The following ARMH3 variants were observed in gnomAD, a reference collection of about 807,000 sequenced individuals.
ARMH3 encodes armadillo like helical domain containing 3, also known as armadillo-like helical domain-containing protein 3.
ARMH3 carries 60 observed loss-of-function variants against 99.1 expected under a neutral mutation model. The observed-to-expected ratio is 0.61, with a 90% CI of 0.49 to 0.75. The LOEUF (loss-of-function observed/expected upper bound fraction) is 0.75. Among genes scored for constraint, ARMH3 ranks in the 30% least tolerant of loss-of-function variants. ARMH3 has a pLI of 0.00. For missense variants in ARMH3, 679 were observed against 843.1 expected (o/e 0.81, Z 2.41); for synonymous variants, 285 against 292.8 (o/e 0.97, Z 0.27).
chr10:101,891,218 G>A (rs201812712), intron 23 of ARMH3, among the ~76,000 whole-genome samples: 5 of 149,306 alleles, frequency 3.3e-5, no homozygotes, highest in South Asian at 4.2e-4. Context: ...TTTTTGAGAC[G>A]GAGTTTTGCT....
intron 16 of ARMH3, among the ~76,000 whole-genome samples, chr10:101,994,703 C>T (rs1018432579): frequency 3.3e-5 from 5 of 152,188 alleles, no homozygotes; most frequent in Admixed American, 2.6e-4. Context: ...TCCACCCCTT[C>T]ACCCCATCAC....
At chr10:101,932,044 T>C (rs1293417850) in intron 23 of ARMH3, among the ~76,000 whole-genome samples, 1 of 152,058 alleles carries the variant, frequency 6.6e-6, no homozygotes, top group African/African-American at 2.4e-5. Context: ...AAAGAACTCC[T>C]AAAACTCAAC....
At chr10:101,934,450 C>A (rs962653763) in intron 23 of ARMH3, among the ~76,000 whole-genome samples, 5 of 152,188 alleles carry the variant, frequency 3.3e-5, no homozygotes, top group African/African-American at 4.8e-5. Flanking sequence ...TTCCAAACCC[C>A]AGGCTTGTCA....
In ARMH3 at chr10:101,866,515, G is replaced by T. The variant is rs1038811441; in HGVS notation, c.1861-16623C>A. Among the ~76,000 whole-genome samples, 35 of 150,740 alleles carry T rather than the reference G, an allele frequency of 2.3e-4. 1 individual carries two copies. In the East Asian group the frequency reaches 6.4e-3, roughly 28 times the overall value. On this transcript the variant is annotated intron_variant, in intron 24 of 25. Transcript: ENST00000370033. ...AAAAAAAAAGAAAAGAAAAGGAAAA[G>T]AAATTTATGAAGCCATTCCTGCAGC...
At position 102,012,735 on chromosome 10, in the gene ARMH3, A is replaced by G. The variant is rs1344771220; in HGVS notation, c.770+98T>C. ...GGGCTGTACATCTGAATACTCTTAG[A>G]CTAGGTAAGGGAATTTGACCCAAGA... On this transcript the variant is annotated intron_variant, in intron 10 of 25. Transcript: ENST00000370033. The G allele has an allele frequency of 4.3e-6, 5 of 1,160,244 alleles. No homozygotes were observed. In the African/African-American group the frequency reaches 7.7e-5, roughly 18 times the overall value. The allele number at this position is 1,160,244 out of a possible 1,614,324, so 71.9% of individuals were successfully genotyped here.
chr10:101,943,959 G>A (rs182471420), intron 22 of ARMH3, among the ~76,000 whole-genome samples: 502 of 151,200 alleles, frequency 3.3e-3, no homozygotes, highest in African/African-American at 9.6e-3. Context: ...AGCTACTCGG[G>A]AGGCTGAGGC....
intron 20 of ARMH3, among the ~76,000 whole-genome samples, chr10:101,972,043 A>C (rs1034083029): frequency 6.6e-6 from 1 of 152,230 alleles, no homozygotes; most frequent in Non-Finnish European, 1.5e-5. Flanking sequence ...TATCATGGTG[A>C]CATGCATCAT....
At chr10:101,872,848 C>T (rs560195677) in intron 24 of ARMH3, among the ~76,000 whole-genome samples, 1 of 151,516 alleles carries the variant, frequency 6.6e-6, no homozygotes, top group Non-Finnish European at 1.5e-5. Context: ...ATCCCAGCTA[C>T]TCGGGAGGCT....
intron 25 of ARMH3, among the ~76,000 whole-genome samples, chr10:101,849,199 C>A (rs2066529176): frequency 6.6e-6 from 1 of 152,158 alleles, no homozygotes; most frequent in Admixed American, 6.5e-5. Flanking sequence ...GGGGGCTGAG[C>A]TTTTCTTGAG....
chr10:101,864,930 C>T (rs942677294), intron 24 of ARMH3, among the ~76,000 whole-genome samples: 5 of 151,676 alleles, frequency 3.3e-5, no homozygotes, highest in East Asian at 1.9e-4. Context: ...AAAGCCCTGA[C>T]GCAGCTCAAA....
chr10:101,882,471 T>C (rs920537576), intron 24 of ARMH3, among the ~76,000 whole-genome samples: 29 of 152,204 alleles, frequency 1.9e-4, no homozygotes, highest in African/African-American at 6.3e-4. Context: ...TCTGATGGCT[T>C]TGGAGGAAAG....
intron 15 of ARMH3, 90 bp downstream of exon 15, chr10:102,001,881 T>G: frequency 8.4e-7 from 1 of 1,196,906 alleles, no homozygotes; most frequent in Non-Finnish European, 1.2e-6. Context: ...GTTCATCTTG[T>G]CAAAGCTTCA....
At chr10:102,036,635 C>T (rs1336318845) in intron 2 of ARMH3, among the ~76,000 whole-genome samples, 37 of 151,892 alleles carry the variant, frequency 2.4e-4, no homozygotes, top group Non-Finnish European at 4.1e-4. Flanking sequence ...GGATTAAGGG[C>T]GGTGCAAGAT....
intron 23 of ARMH3, among the ~76,000 whole-genome samples, chr10:101,935,198 T>TATATATATATATATATATATATATATAC (rs1491294491): frequency 1.4e-5 from 2 of 141,158 alleles, no homozygotes; most frequent in Admixed American, 7.0e-5. Context: ...TATATATATA[T>TATATATATATATATATATATATATATAC]ACATTTTTTG....
At chr10:101,883,986 T>TCACACA (rs140583795) in intron 24 of ARMH3, among the ~76,000 whole-genome samples, 31 of 145,534 alleles carry the variant, frequency 2.1e-4, no homozygotes, top group African/African-American at 6.3e-4. Context: ...GAGGGAGATC[T>TCACACA]CACACACACA....
chr10:101,992,787 C>T (rs752102360), intron 17 of ARMH3, among the ~76,000 whole-genome samples: 5 of 151,912 alleles, frequency 3.3e-5, no homozygotes, highest in African/African-American at 4.8e-5. Flanking sequence ...CCACCAAGCC[C>T]GGCCCTCAAT....
intron 20 of ARMH3, among the ~76,000 whole-genome samples, chr10:101,968,350 C>T (rs896167393): frequency 6.6e-6 from 1 of 152,170 alleles, no homozygotes; most frequent in African/African-American, 2.4e-5. Flanking sequence ...GACCATGTCT[C>T]AGTGGAGCCA....
intron 20 of ARMH3, among the ~76,000 whole-genome samples, chr10:101,969,750 T>C (rs1222418536): frequency 1.3e-5 from 2 of 152,204 alleles, no homozygotes; most frequent in Non-Finnish European, 2.9e-5. Flanking sequence ...CCTTTCTTCC[T>C]GCAGGCAAGC....
At chr10:101,852,875 T>C (rs2066637532) in intron 24 of ARMH3, among the ~76,000 whole-genome samples, 1 of 151,540 alleles carries the variant, frequency 6.6e-6, no homozygotes, top group Admixed American at 6.6e-5. Flanking sequence ...CCCCCTTCCG[T>C]GGCCCTTTCT....
Sources: gnomAD v4.1 joint callset for allele counts (sites outside exome capture counted in the v4.1 genomes callset) on GRCh38, gnomAD v4.1.1 for gene constraint, MANE v1.5 for transcripts, NCBI Gene and HGNC (gene_info 2026-07-23, HGNC 2026-07-21) for gene names.